The following MYO18B variants were observed in gnomAD, a reference collection of about 807,000 sequenced individuals.
MYO18B encodes the protein unconventional myosin-XVIIIb.
MYO18B carries 204 observed loss-of-function variants against 273.0 expected under a neutral mutation model. The observed-to-expected ratio is 0.75, with a 90% CI of 0.67 to 0.84. The LOEUF (loss-of-function observed/expected upper bound fraction) is 0.84, where lower values mean the gene tolerates loss of function less well. MYO18B is among the 40% of genes least tolerant of loss of function. The pLI is 0.00. For synonymous variants in MYO18B, 1,330 were observed against 1,305.7 expected, an observed-to-expected ratio of 1.02 and a Z score of -0.40; for missense variants, 3,212 against 3,287.6, an observed-to-expected ratio of 0.98 and a Z score of 0.56.
chr22:25,967,417 G>T (rs918733011), intron 39 of MYO18B, among the ~76,000 whole-genome samples: 3 of 152,160 alleles, frequency 2.0e-5, no homozygotes, highest in Non-Finnish European at 2.9e-5. Context: ...GGAAATCCAG[G>T]GGGCCCCAAA....
chr22:25,766,108 A>G (rs1166554840), intron 3 of MYO18B, among the ~76,000 whole-genome samples: 1 of 152,002 alleles, frequency 6.6e-6, no homozygotes, highest in African/African-American at 2.4e-5. Flanking sequence ...GCCCCAGGAG[A>G]TTCCAGAGAG....
chr22:25,832,516 C>A (rs1443244830), intron 15 of MYO18B, among the ~76,000 whole-genome samples: 1 of 152,124 alleles, frequency 6.6e-6, no homozygotes, highest in African/African-American at 2.4e-5. Flanking sequence ...TTACATAAGT[C>A]AGACACAAAA....
chr22:25,973,199 A>G (rs2093054109), intron 39 of MYO18B, among the ~76,000 whole-genome samples: 1 of 152,154 alleles, frequency 6.6e-6, no homozygotes, highest in Non-Finnish European at 1.5e-5. Flanking sequence ...ATATTTACTA[A>G]TTGCCGAGTG....
intron 25 of MYO18B, among the ~76,000 whole-genome samples, chr22:25,885,441 C>T (rs1432740110): frequency 1.3e-5 from 2 of 152,062 alleles, no homozygotes; most frequent in African/African-American, 2.4e-5. Flanking sequence ...TAAGCAGGAG[C>T]TGGCCAGGTG....
chr22:25,818,474 C>G (rs963816799), intron 12 of MYO18B, among the ~76,000 whole-genome samples: 2 of 152,214 alleles, frequency 1.3e-5, no homozygotes, highest in African/African-American at 4.8e-5. Flanking sequence ...CATTTGTGCA[C>G]TGCCTCAGAG....
intron 27 of MYO18B, chr22:25,894,736 T>A (rs2091756040): frequency 6.4e-6 from 1 of 155,680 alleles, no homozygotes; most frequent in Admixed American, 6.3e-5. Flanking sequence ...AAGCAATCCA[T>A]GAGCTTGTAT....
At chr22:25,877,473 CTTTTTG>C (rs996066916) in intron 24 of MYO18B, among the ~76,000 whole-genome samples, 8 of 152,024 alleles carry the variant, frequency 5.3e-5, no homozygotes, top group Non-Finnish European at 7.4e-5. Flanking sequence ...TTAAAATCTA[CTTTTTG>C]TTTTTGAGAT....
In MYO18B at chr22:25,769,347, G is replaced by A. The variant is rs1261426623; in HGVS notation, c.1431G>A (p.Arg477=). ...CTGCTCTGGAGAAGGATGCAGAAAG[G>A]CCTCGGATACGGAAGGAGAACCAAG... ...SQPALEKDAE[R]PRIRKENQDG... is the part of the protein sequence containing the mutation. Residue 477 remains arginine (R), a synonymous_variant, in exon 4 of 44, where the codon AGG becomes AGA. Transcript: ENST00000335473. 6 of 1,577,274 alleles carry A rather than the reference G, an allele frequency of 3.8e-6. No individual in the cohort carries two copies. The highest frequency in any genetic ancestry group is 5.2e-6 in the Non-Finnish European group (6 of 1,162,076).
At position 26,026,624 on chromosome 22, in the gene MYO18B, C is replaced by T. The variant is rs377697717; in HGVS notation, c.6650C>T (p.Ser2217Phe). 3.7e-5 allele frequency: 59 copies of T among 1,613,686 alleles called. No individual in the cohort carries two copies. Among genetic ancestry groups the T allele is most frequent in the Non-Finnish European group, 4.7e-5 (55 of 1,179,862 alleles). The change falls in exon 43 of 44, where the codon TCC (serine) becomes TTC (phenylalanine). Residue 2217 changes from serine (S) to phenylalanine (F), a missense_variant. Transcript: ENST00000335473. ...GAAGTGCTTGCCGTCCAGAGAAAGT[C>T]CACAGAGAGATTAGAACCTGCTTCC... is the stretch of plus-strand genomic sequence containing the variant. ...DGEVLAVQRK[S>F]TERLEPASSP...
At chr22:25,789,716 T>C (rs559379506) in intron 11 of MYO18B, among the ~76,000 whole-genome samples, 2 of 151,566 alleles carry the variant, frequency 1.3e-5, no homozygotes, top group Admixed American at 6.6e-5. Context: ...AAAACCAGAA[T>C]ACACACACAC....
At chr22:26,010,469 C>T (rs182487683) in intron 42 of MYO18B, among the ~76,000 whole-genome samples, 278 of 151,606 alleles carry the variant, frequency 1.8e-3, no homozygotes, top group Admixed American at 3.4e-3. Flanking sequence ...TTTTCTAATA[C>T]AACCTCTCCT....
At chr22:25,784,074 G>C (rs889054328) in intron 10 of MYO18B, among the ~76,000 whole-genome samples, 1 of 152,260 alleles carries the variant, frequency 6.6e-6, no homozygotes, top group Admixed American at 6.5e-5. Flanking sequence ...TTTTTTAGAG[G>C]AGCACTGCCT....
chr22:26,026,754 G>A lies in MYO18B; in HGVS notation c.6780G>A (p.Lys2260=), dbSNP rs1472827930. The change falls in exon 43 of 44, where the codon AAG becomes AAA. Residue 2260 remains lysine, a synonymous_variant. Coordinates refer to ENST00000335473, the MANE Select transcript of MYO18B (RefSeq NM_032608.7). ...AGTTCGTGGAAGGGCTCCGGAGGAA[G>A]AGAGCCCAGAGAGGCCAGGGGTCCA... is the stretch of plus-strand genomic sequence containing the variant. The part of the protein sequence containing the change: ...LSEFVEGLRR[K]RAQRGQGSTL... 6.2e-7 allele frequency: 1 copy of A among 1,611,970 alleles called. No individual in the cohort carries two copies. The highest frequency in any genetic ancestry group is 2.2e-5 in the East Asian group (1 of 44,748).
chr22:25,915,388 A>G (rs979393212), intron 33 of MYO18B, among the ~76,000 whole-genome samples: 2 of 152,184 alleles, frequency 1.3e-5, no homozygotes, highest in African/African-American at 4.8e-5. Flanking sequence ...TGGGCTACAG[A>G]CCTGTACAGC....
chr22:25,978,095 G>A (rs1306971548), intron 39 of MYO18B, among the ~76,000 whole-genome samples: 2 of 152,180 alleles, frequency 1.3e-5, no homozygotes, highest in Admixed American at 6.5e-5. Context: ...ATATAAGGCC[G>A]AGTACAACCT....
intron 40 of MYO18B, among the ~76,000 whole-genome samples, chr22:25,999,555 TCTTCCC>T (rs1158671554): frequency 4.3e-5 from 1 of 23,250 alleles, no homozygotes; most frequent in Non-Finnish European, 7.9e-5. Flanking sequence ...CCCCTCCCCC[TCTTCCC>T]CCTCCTCCTC....
In MYO18B at chr22:25,826,400, C is replaced by G; in HGVS notation, c.2696-9C>G. The G allele has an allele frequency of 6.2e-7, 1 of 1,608,604 alleles. No individual in the cohort carries two copies. Among genetic ancestry groups the G allele is most frequent in the East Asian group, 2.2e-5 (1 of 44,796 alleles). On this transcript the variant is annotated splice_polypyrimidine_tract_variant and intron_variant, in intron 13 of 43. Coordinates refer to ENST00000335473, the MANE Select transcript of MYO18B (RefSeq NM_032608.7). ...TAACCAAGAATGCTGATTCTGTCCT[C>G]TTTCCCAGGGCTCAAGATGACAGGA...
chr22:25,807,885 C>T (rs8135237), intron 12 of MYO18B, among the ~76,000 whole-genome samples: 40,872 of 151,736 alleles, frequency 0.27, 5,749 homozygotes, highest in African/African-American at 0.32. Context: ...AACTGAGGCT[C>T]AGTTTTCTGA....
intron 11 of MYO18B, among the ~76,000 whole-genome samples, chr22:25,797,022 G>C (rs1372008522): frequency 1.3e-5 from 2 of 152,214 alleles, no homozygotes; most frequent in Non-Finnish European, 2.9e-5. Flanking sequence ...GAGGTCAGGA[G>C]TTCAAGACCA....
Sources: allele counts gnomAD v4.1 joint callset (sites outside exome capture counted in the v4.1 genomes callset), GRCh38; gene constraint gnomAD v4.1.1; transcripts MANE v1.5; gene names NCBI Gene and HGNC (gene_info 2026-07-23, HGNC 2026-07-21).